The following TMSB15B variants were observed in gnomAD, a reference collection of about 807,000 sequenced individuals.
TMSB15B encodes the protein thymosin beta-15B.
chrX:103,928,541 C>T (rs1357060238), intron 1 of TMSB15B: 1 of 1,189,374 alleles, frequency 8.4e-7, no homozygotes, highest in Non-Finnish European at 1.1e-6. Context: ...TGCAAGCAAG[C>T]TCGCTTACCC....
At chrX:103,925,618 A>T (rs1419774364) in intron 1 of TMSB15B, among the ~76,000 whole-genome samples, 1 of 111,730 alleles carries the variant, frequency 9.0e-6, no homozygotes, top group Non-Finnish European at 1.9e-5. Flanking sequence ...AGGCTCCAAG[A>T]TGTCATTGAA....
At chrX:103,940,607 G>A (rs1355525799) in intron 1 of TMSB15B, among the ~76,000 whole-genome samples, 1 of 111,137 alleles carries the variant, frequency 9.0e-6, no homozygotes, top group Non-Finnish European at 1.9e-5. Context: ...CATGAGGCTG[G>A]GATCCGCTGA....
At chrX:103,923,378 T>C (rs1478837238) in intron 1 of TMSB15B, among the ~76,000 whole-genome samples, 1 of 112,314 alleles carries the variant, frequency 8.9e-6, no homozygotes, top group African/African-American at 3.2e-5. Context: ...TTAATTTTTG[T>C]ATAAGGTGTA....
intron 1 of TMSB15B, among the ~76,000 whole-genome samples, chrX:103,923,982 T>A (rs1381008561): frequency 1.4e-4 from 16 of 112,036 alleles, no homozygotes; most frequent in Non-Finnish European, 1.9e-5. Context: ...TAATATAACT[T>A]ATGGAACAAC....
chrX:103,919,847 T>C (rs781980448), intron 1 of TMSB15B, among the ~76,000 whole-genome samples: 5 of 112,059 alleles, frequency 4.5e-5, no homozygotes, highest in African/African-American at 1.3e-4. Flanking sequence ...TTAGCACCTG[T>C]ATGTTGCTCT....
intron 1 of TMSB15B, among the ~76,000 whole-genome samples, chrX:103,939,057 C>T (rs1556323017): frequency 8.9e-6 from 1 of 112,019 alleles, no homozygotes; most frequent in Non-Finnish European, 1.9e-5. Flanking sequence ...TTGTGGGTAA[C>T]TTGACCTTTC....
chrX:103,948,859 A>G (rs1602443104), intron 1 of TMSB15B, among the ~76,000 whole-genome samples: 1 of 112,298 alleles, frequency 8.9e-6, no homozygotes, highest in South Asian at 3.7e-4. Context: ...TCCATGTGGG[A>G]AGACTGAAAT....
chrX:103,940,755 C>CA (rs1556324328), intron 1 of TMSB15B, among the ~76,000 whole-genome samples: 1 of 111,466 alleles, frequency 9.0e-6, no homozygotes, highest in Non-Finnish European at 1.9e-5. Context: ...ACAACAGCAA[C>CA]AAAAACCCAA....
intron 1 of TMSB15B, among the ~76,000 whole-genome samples, chrX:103,947,709 T>C: frequency 9.0e-6 from 1 of 111,676 alleles, no homozygotes; most frequent in Non-Finnish European, 1.9e-5. Flanking sequence ...TTGCAAAATA[T>C]ATTGCTGACC....
intron 1 of TMSB15B, among the ~76,000 whole-genome samples, chrX:103,946,936 C>T (rs1413631409): frequency 9.0e-6 from 1 of 111,083 alleles, no homozygotes; most frequent in Non-Finnish European, 1.9e-5. Flanking sequence ...TGAGAAAAGA[C>T]GAGCAAAGAT....
At chrX:103,933,766 A>G (rs1415422386) in intron 1 of TMSB15B, among the ~76,000 whole-genome samples, 1 of 109,937 alleles carries the variant, frequency 9.1e-6, no homozygotes, top group Admixed American at 9.6e-5. Flanking sequence ...TTGTACCATA[A>G]TTTATTCATG....
chrX:103,926,678 G>T (rs2147817057), intron 1 of TMSB15B, among the ~76,000 whole-genome samples: 1 of 110,712 alleles, frequency 9.0e-6, no homozygotes, highest in Non-Finnish European at 1.9e-5. Flanking sequence ...GCAGTGTGTG[G>T]CTTCTACTCC....
intron 1 of TMSB15B, among the ~76,000 whole-genome samples, chrX:103,929,454 A>G (rs2074978447): frequency 8.9e-6 from 1 of 111,766 alleles, no homozygotes; most frequent in African/African-American, 3.2e-5. Context: ...TGGGAATTCC[A>G]TAAAACTTCT....
chrX:103,920,284 G>A (rs1556317382), intron 1 of TMSB15B, among the ~76,000 whole-genome samples: 1 of 111,420 alleles, frequency 9.0e-6, no homozygotes, highest in Non-Finnish European at 1.9e-5. Flanking sequence ...GGCTGCCTCA[G>A]AATCATTTTG....
At position 103,953,397 on chromosome X, in the gene TMSB15B, C is replaced by T. The variant is rs570152212; in HGVS notation, c.-720-8624C>T. ...CAGGATGTTAGACCCCTGTACCTAC[C>T]CCAGGAAAGAGACTGAATCCAGTGG... is the stretch of plus-strand genomic sequence containing the variant. On this transcript the variant is annotated intron_variant, in intron 1 of 3. Coordinates refer to the TMSB15B transcript ENST00000419165. Among the ~76,000 whole-genome samples, 17 of 112,326 alleles carry T rather than the reference C, an allele frequency of 1.5e-4. No homozygotes were observed. The South Asian group carries it at 6.3e-3, about 42-fold the overall frequency.
chrX:103,935,419 G>A (rs1280814770), intron 1 of TMSB15B, among the ~76,000 whole-genome samples: 1 of 112,033 alleles, frequency 8.9e-6, no homozygotes, highest in African/African-American at 3.3e-5. Context: ...CATTGCCCAT[G>A]CCTATGTCCT....
intron 1 of TMSB15B, among the ~76,000 whole-genome samples, chrX:103,939,362 CT>C (rs1359016280): frequency 9.1e-6 from 1 of 109,755 alleles, no homozygotes; most frequent in East Asian, 2.9e-4. Flanking sequence ...TCCTTTCATT[CT>C]TTTTTCTCTA....
intron 1 of TMSB15B, among the ~76,000 whole-genome samples, chrX:103,950,795 T>G (rs1248460204): frequency 3.6e-5 from 4 of 110,299 alleles, no homozygotes. Context: ...GAATCCTGAT[T>G]GAAATGACCC....
intron 1 of TMSB15B, chrX:103,931,727 T>C (rs1280101900): frequency 8.9e-6 from 1 of 112,188 alleles, no homozygotes; most frequent in Non-Finnish European, 1.9e-5. Flanking sequence ...CAAAGTGATA[T>C]CTTTTTGTAT....
Sources: gnomAD v4.1 joint callset for allele counts (sites outside exome capture counted in the v4.1 genomes callset) on GRCh38, gnomAD v4.1.1 for gene constraint, MANE v1.5 for transcripts, NCBI Gene and HGNC (gene_info 2026-07-23, HGNC 2026-07-21) for gene names.